The following TNPO3 variants were observed in gnomAD, a reference collection of about 807,000 sequenced individuals.
TNPO3 encodes transportin-3.
Under a neutral mutation model 122.8 loss-of-function variants are expected in TNPO3, and 65 were observed. That is an observed-to-expected ratio of 0.53 (90% CI 0.43 to 0.65). The LOEUF is 0.65. Among genes scored for constraint, TNPO3 ranks in the 30% least tolerant of loss-of-function variants. The pLI, the probability that TNPO3 is intolerant of heterozygous loss-of-function variation, is 0.00. For synonymous variants in TNPO3, 372 were observed against 411.2 expected (o/e 0.90, Z 1.15); for missense variants, 850 against 1,136.7 (o/e 0.75, Z 3.63).
chr7:128,967,432 T>C (rs775921118), intron 20 of TNPO3, 40 bp from the exon 21 acceptor site: 36 of 1,370,162 alleles, frequency 2.6e-5, no homozygotes, highest in Middle Eastern at 3.6e-4. Flanking sequence ...AAAGGAAGCA[T>C]AGCTTACTCA....
At chr7:128,974,724 G>C (rs772536357) in intron 18 of TNPO3, 144 bp downstream of exon 18, 7 of 698,816 alleles carry the variant, frequency 1.0e-5, no homozygotes, top group African/African-American at 1.8e-5. Context: ...ATATCAGCTT[G>C]CAATTTACCT....
At chr7:128,970,829 A>T (rs1798402240) in intron 19 of TNPO3, 1 of 152,642 alleles carries the variant, frequency 6.6e-6, no homozygotes. Context: ...AGCATGCTAT[A>T]CCAATTGGGT....
At chr7:129,054,384 A>G (rs992588665) in intron 1 of TNPO3, among the ~76,000 whole-genome samples, 4 of 152,180 alleles carry the variant, frequency 2.6e-5, no homozygotes, top group African/African-American at 9.6e-5. Flanking sequence ...GAACTTAAAC[A>G]AGATTAGATT....
At chr7:129,051,511 T>A (rs1808764629) in intron 1 of TNPO3, among the ~76,000 whole-genome samples, 1 of 152,088 alleles carries the variant, frequency 6.6e-6, no homozygotes, top group South Asian at 2.1e-4. Context: ...AATTTTCCTA[T>A]TTTTTTGTAG....
At chr7:129,028,057 G>A (rs1459887179) in intron 1 of TNPO3, among the ~76,000 whole-genome samples, 1 of 152,042 alleles carries the variant, frequency 6.6e-6, no homozygotes, top group Non-Finnish European at 1.5e-5. Context: ...CCAAATATGT[G>A]GAAATTAAAC....
rs966968368 is a variant in TNPO3, at chr7:128,976,360, T to C, written c.2062-425A>G. ...CATCTTGGAGAAGACAGTGAAAGCA[T>C]TGTTTAAATTTTGAGTTGCTCCTAA... On this transcript the variant is annotated intron_variant, in intron 16 of 22. Coordinates refer to ENST00000265388, the MANE Select transcript of TNPO3 (RefSeq NM_012470.4). Among the ~76,000 whole-genome samples the C allele has an allele frequency of 5.3e-5, 8 of 152,270 alleles. No homozygotes were observed. In the East Asian group the frequency reaches 5.8e-4, roughly 11 times the overall value.
chr7:128,986,852 T>C lies in TNPO3; in HGVS notation c.1567A>G (p.Ile523Val). The C allele has an allele frequency of 1.2e-6, 2 of 1,614,066 alleles. No individual in the cohort carries two copies. The highest frequency in any genetic ancestry group is 8.5e-7 in the Non-Finnish European group (1 of 1,180,000). Residue 523 changes from isoleucine (I) to valine (V), a missense_variant, in exon 12 of 23, where the codon ATT (isoleucine) becomes GTT (valine). By Grantham distance (29) the Ile-to-Val change is conservative. Transcript: ENST00000265388. ...CGGCAGACAGAGCAAATGTTATGAA[T>C]GGCTTTGGCTGCAGCAGAAGCCAGG... Reference protein sequence around the residue: ...KPLASAAAKAIHNICSVCRDH... With the variant: ...KPLASAAAKAVHNICSVCRDH...
chr7:128,992,132 A>ATC (rs1396348269), intron 9 of TNPO3, 42 bp from the exon 10 acceptor site: 9 of 1,181,500 alleles, frequency 7.6e-6, no homozygotes, highest in Non-Finnish European at 1.1e-5. Context: ...TAAAAGGAAA[A>ATC]CAGAATGCCA....
upstream of TNPO3, chr7:129,056,116 CTG>C (rs914198425): frequency 1.2e-5 from 13 of 1,076,902 alleles, no homozygotes; most frequent in African/African-American, 2.0e-4. Context: ...AACGCGGCCA[CTG>C]TGCCTGCCGA....
intron 9 of TNPO3, 48 bp downstream of exon 9, chr7:128,993,759 C>T: frequency 6.7e-7 from 1 of 1,487,348 alleles, no homozygotes; most frequent in Non-Finnish European, 9.3e-7. Context: ...GAAGTGAATA[C>T]AATTAAGGTG....
At chr7:129,030,724 C>A (rs1002435637) in intron 1 of TNPO3, among the ~76,000 whole-genome samples, 1 of 150,330 alleles carries the variant, frequency 6.7e-6, no homozygotes, top group Non-Finnish European at 1.5e-5. Flanking sequence ...TGGGTTCATA[C>A]GGATGTGGCA....
intron 20 of TNPO3, among the ~76,000 whole-genome samples, chr7:128,967,984 C>A (rs1445467422): frequency 2.0e-5 from 3 of 152,062 alleles, no homozygotes; most frequent in Non-Finnish European, 2.9e-5. Context: ...TCTCAAACTC[C>A]TGGGCTCAAG....
rs1318316495 is a variant in TNPO3, at chr7:129,000,596, G to C, written c.873-29C>G. 5 of 1,602,234 alleles carry C rather than the reference G, an allele frequency of 3.1e-6. No individual in the cohort carries two copies. The South Asian group carries it at 4.4e-5, about 14-fold the overall frequency. On this transcript the variant is annotated intron_variant, in intron 6 of 22. Transcript: ENST00000265388. ...TAGAAGACAGGGGAATGAGAACAAT[G>C]AGTCAGAAATCTGGATATTATAAGT...
intron 20 of TNPO3, among the ~76,000 whole-genome samples, chr7:128,969,396 A>AT (rs1161350992): frequency 6.6e-6 from 1 of 152,144 alleles, no homozygotes; most frequent in East Asian, 1.9e-4. Context: ...ATTATTATCA[A>AT]TTTTATATTC....
intron 11 of TNPO3, among the ~76,000 whole-genome samples, chr7:128,987,680 A>G (rs926150144): frequency 6.6e-6 from 1 of 152,166 alleles, no homozygotes; most frequent in Admixed American, 6.5e-5. Flanking sequence ...TCGCAGGTTC[A>G]AGCAATTATC....
intron 1 of TNPO3, among the ~76,000 whole-genome samples, chr7:129,018,964 C>G (rs1335953872): frequency 6.6e-6 from 1 of 152,220 alleles, no homozygotes; most frequent in Admixed American, 6.5e-5. Flanking sequence ...GGTGATCCCC[C>G]TGCCTCGGCC....
At chr7:128,959,902 T>A (rs924521149) in intron 21 of TNPO3, among the ~76,000 whole-genome samples, 6 of 152,126 alleles carry the variant, frequency 3.9e-5, no homozygotes, top group Non-Finnish European at 8.8e-5. Context: ...GCACCTGTGA[T>A]CCCAGCTACT....
At chr7:128,998,502 G>A (rs1046601882) in intron 7 of TNPO3, among the ~76,000 whole-genome samples, 1 of 151,674 alleles carries the variant, frequency 6.6e-6, no homozygotes, top group African/African-American at 2.4e-5. Context: ...GACTACAGGC[G>A]CTTGCCACCA....
In TNPO3 at chr7:128,959,216, G is replaced by A. The variant is rs62478579; in HGVS notation, c.2712-1901C>T. Among the ~76,000 whole-genome samples, 852 of 152,328 alleles carry A rather than the reference G, an allele frequency of 5.6e-3. 4 individuals carry two copies. The highest frequency in any genetic ancestry group is 9.0e-3 in the Non-Finnish European group (610 of 68,038). On this transcript the variant is annotated intron_variant, in intron 21 of 22. Coordinates refer to ENST00000265388, the MANE Select transcript of TNPO3 (RefSeq NM_012470.4). ...AAGGAGGAAGATCTGTAACCCAAGA[G>A]AAGTTGCTATGTGGTGTGTTATCAC...
Sources: gnomAD v4.1 joint callset for allele counts (sites outside exome capture counted in the v4.1 genomes callset) on GRCh38, gnomAD v4.1.1 for gene constraint, MANE v1.5 for transcripts, NCBI Gene and HGNC (gene_info 2026-07-23, HGNC 2026-07-21) for gene names.